ADAMTSL1: variants seen among roughly 807,000 people sequenced by gnomAD.
The protein encoded by ADAMTSL1 is ADAMTS like 1.
Under a neutral mutation model 201.8 loss-of-function variants are expected in ADAMTSL1, and 126 were observed. The observed-to-expected ratio is 0.62, with a 90% CI of 0.54 to 0.72. ADAMTSL1 has a LOEUF of 0.72. Ranked by LOEUF, ADAMTSL1 falls within the 30% of genes least tolerant of loss-of-function variation. ADAMTSL1 has a pLI of 0.00. For synonymous variants in ADAMTSL1, 1,121 were observed against 903.4 expected, an observed-to-expected ratio of 1.24 and a Z score of -4.32; for missense variants, 2,679 against 2,277.8, an observed-to-expected ratio of 1.18 and a Z score of -3.59.
At chr9:18,821,354 T>A (rs1048557294) in intron 21 of ADAMTSL1, among the ~76,000 whole-genome samples, 1 of 152,134 alleles carries the variant, frequency 6.6e-6, no homozygotes, top group Admixed American at 6.5e-5. Flanking sequence ...GTCTGACATC[T>A]GGAACACATG....
chr9:18,472,338 T>C (rs1331540094), upstream of ADAMTSL1, among the ~76,000 whole-genome samples: 1 of 152,242 alleles, frequency 6.6e-6, no homozygotes, highest in African/African-American at 2.4e-5. Context: ...CTTTAGCTTA[T>C]GAGCATTAGC....
chr9:18,282,640 G>C (rs1377971551), intron 2 of ADAMTSL1, among the ~76,000 whole-genome samples: 1 of 152,228 alleles, frequency 6.6e-6, no homozygotes, highest in Non-Finnish European at 1.5e-5. Flanking sequence ...GCTCACGCCT[G>C]TAATCCTAGC....
At chr9:18,692,524 G>A (rs1023703491) in intron 13 of ADAMTSL1, among the ~76,000 whole-genome samples, 6 of 152,088 alleles carry the variant, frequency 3.9e-5, no homozygotes, top group Non-Finnish European at 7.4e-5. Context: ...TGGGATCCTT[G>A]TGTGCCAAAA....
rs1057197458 is a variant in ADAMTSL1 at position 18,785,159 on chromosome 9, G to A, written c.3677+7253G>A. Among the ~76,000 whole-genome samples the A allele has an allele frequency of 6.2e-5, 8 of 129,152 alleles. No homozygotes were observed. In the South Asian group the frequency reaches 9.5e-4, roughly 15 times the overall value. The allele number at this position is 129,152 out of a possible 152,430, so 84.7% of individuals were successfully genotyped here. A position where few individuals can be genotyped will look rare whatever the true frequency, so the allele number is the denominator to read the frequency against. The stretch of plus-strand genomic sequence containing the variant: ...GGCCTGGGTGACACAGTGAGACTCC[G>A]TCTAAAAAAAAAAAAACTTAATGGA... On this transcript the variant is annotated intron_variant, in intron 19 of 28. Transcript: ENST00000380548.
At chr9:18,298,038 C>T (rs1250420029) in intron 2 of ADAMTSL1, among the ~76,000 whole-genome samples, 1 of 152,176 alleles carries the variant, frequency 6.6e-6, no homozygotes, top group South Asian at 2.1e-4. Flanking sequence ...TTGAATTAGT[C>T]TCCATTCTGC....
intron 13 of ADAMTSL1, among the ~76,000 whole-genome samples, chr9:18,703,857 A>C (rs1832077886): frequency 6.6e-6 from 1 of 151,604 alleles, no homozygotes. Flanking sequence ...TTCTGGAATG[A>C]CATCAAATGC....
intron 9 of ADAMTSL1, among the ~76,000 whole-genome samples, chr9:18,663,370 A>G (rs867555611): frequency 6.6e-6 from 1 of 152,290 alleles, no homozygotes; most frequent in Middle Eastern, 3.4e-3. Context: ...ATTACATCAG[A>G]AAATTATATA....
In ADAMTSL1 at chr9:18,217,743, C is replaced by T. The variant is rs73645738; in HGVS notation, c.207+53762C>T. Among the ~76,000 whole-genome samples the T allele has an allele frequency of 8.2e-3, 1,248 of 152,250 alleles. 17 individuals are homozygous for T. The highest frequency in any genetic ancestry group is 0.028 in the African/African-American group (1,173 of 41,550). ...GGTCATTGTGCTCTATGATCTTAGC[C>T]GAGACTGATGCTGGCTTCACTGGCA... On this transcript the variant is annotated intron_variant, in intron 2 of 29. Coordinates refer to the ADAMTSL1 transcript ENST00000680146.
chr9:18,078,238 T>C (rs1823319413), intron 1 of ADAMTSL1, among the ~76,000 whole-genome samples: 1 of 152,128 alleles, frequency 6.6e-6, no homozygotes, highest in Non-Finnish European at 1.5e-5. Flanking sequence ...TTTTCTCCCA[T>C]TGTGCCTTTT....
chr9:18,251,951 A>C (rs1449276897), intron 2 of ADAMTSL1, among the ~76,000 whole-genome samples: 1 of 152,202 alleles, frequency 6.6e-6, no homozygotes, highest in African/African-American at 2.4e-5. Flanking sequence ...CTAAACACCA[A>C]TCCATATTAC....
intron 2 of ADAMTSL1, among the ~76,000 whole-genome samples, chr9:18,169,443 T>C (rs539702327): frequency 4.6e-5 from 7 of 152,068 alleles, no homozygotes; most frequent in African/African-American, 9.7e-5. Context: ...TGTAGATATG[T>C]GGCATTATTT....
chr9:18,896,971 G>C (rs1037812038), intron 26 of ADAMTSL1, among the ~76,000 whole-genome samples: 8 of 152,178 alleles, frequency 5.3e-5, no homozygotes, highest in African/African-American at 1.7e-4. Context: ...TCAGGCTGGA[G>C]ACTGCCTGAG....
At chr9:17,921,894 G>T (rs1826317182) in intron 1 of ADAMTSL1, among the ~76,000 whole-genome samples, 1 of 151,908 alleles carries the variant, frequency 6.6e-6, no homozygotes, top group Non-Finnish European at 1.5e-5. Flanking sequence ...TTCATTCTCT[G>T]TTGAAGTAAA....
At position 18,413,146 on chromosome 9, in the gene ADAMTSL1, ATTTTT is replaced by A. The variant is rs11367468; in HGVS notation, c.208-91668_208-91664del. On this transcript the variant is annotated intron_variant, in intron 2 of 29. Coordinates refer to the ADAMTSL1 transcript ENST00000680146. ...TTTACCTGTAAGTTCTCTAAGGATA[ATTTTT>A]TTTTTTTTTTTTTTGAGATGGAATT... 2.6e-3 allele frequency among the ~76,000 whole-genome samples: 340 copies of A among 132,458 alleles called. 1 individual carries two copies. Among genetic ancestry groups the A allele is most frequent in the African/African-American group, 8.0e-3 (291 of 36,154 alleles). The allele number at this position is 132,458 out of a possible 152,430, so 86.9% of individuals were successfully genotyped here.
At chr9:18,635,816 T>A (rs545304164) in intron 5 of ADAMTSL1, 127 bp from the exon 6 acceptor site, 3 of 720,100 alleles carry the variant, frequency 4.2e-6, no homozygotes, top group East Asian at 6.0e-5. Flanking sequence ...ATATTGGCCT[T>A]CACATTTCAA....
At chr9:18,665,407 G>T (rs1175949944) in intron 9 of ADAMTSL1, among the ~76,000 whole-genome samples, 1 of 152,048 alleles carries the variant, frequency 6.6e-6, no homozygotes, top group African/African-American at 2.4e-5. Flanking sequence ...GCCTCCCAAT[G>T]ACCAGGATGT....
intron 6 of ADAMTSL1, among the ~76,000 whole-genome samples, chr9:18,639,023 C>T (rs569995390): frequency 6.6e-6 from 1 of 152,156 alleles, no homozygotes; most frequent in East Asian, 1.9e-4. Flanking sequence ...TTGACAGGAA[C>T]CCTTGAATGC....
At chr9:18,808,317 T>G (rs908161058) in intron 20 of ADAMTSL1, among the ~76,000 whole-genome samples, 1 of 152,268 alleles carries the variant, frequency 6.6e-6, no homozygotes, top group Non-Finnish European at 1.5e-5. Context: ...TGTAAGAGGG[T>G]CAATTGATTA....
At chr9:18,220,573 A>G (rs1192418065) in intron 2 of ADAMTSL1, among the ~76,000 whole-genome samples, 1 of 152,026 alleles carries the variant, frequency 6.6e-6, no homozygotes, top group Non-Finnish European at 1.5e-5. Flanking sequence ...AGAATCTCTA[A>G]TTCTTTAACT....
Sources: gnomAD v4.1 joint callset for allele counts (sites outside exome capture counted in the v4.1 genomes callset) on GRCh38, gnomAD v4.1.1 for gene constraint, MANE v1.5 for transcripts, NCBI Gene and HGNC (gene_info 2026-07-23, HGNC 2026-07-21) for gene names.